MYL5: variants seen among roughly 807,000 people sequenced by gnomAD.
MYL5 encodes myosin light chain 5.
MYL5 carries 28 observed loss-of-function variants against 20.8 expected under a neutral mutation model. The observed-to-expected ratio is 1.35, with a 90% confidence interval of 1.00 to 1.84. MYL5 has a LOEUF of 1.84. Ranked by LOEUF, MYL5 falls within the 40% of genes most tolerant of loss-of-function variation. The pLI is 0.00. For synonymous variants in MYL5, 118 were observed against 87.4 expected, an observed-to-expected ratio of 1.35 and a Z score of -1.95; for missense variants, 274 against 227.3, an observed-to-expected ratio of 1.21 and a Z score of -1.32.
chr4:681,957 G>A (rs746147393), exon 7 of MYL5: 2 of 1,369,248 alleles, frequency 1.5e-6, no homozygotes, highest in Admixed American at 2.9e-5. Context: ...AAGGCGCTCA[G>A]CTACGTGATC....
In MYL5 at chr4:681,631, TCCAGCGCCGCCCCGCCCCCTCCAGCGCCG is replaced by T. The variant is rs1739589986; in HGVS notation, c.421-259_421-231del. Among the ~76,000 whole-genome samples the T allele has an allele frequency of 1.4e-3, 5 of 3,538 alleles. No individual in the cohort carries two copies. The Admixed American group carries it at 0.016, about 11-fold the overall frequency. The allele number at this position is 3,538 out of a possible 152,430, so 2.3% of individuals were successfully genotyped here. A position where few individuals can be genotyped will look rare whatever the true frequency, so the allele number is the denominator to read the frequency against. Reference sequence around the variant, plus strand: ...CCCCCTCCAGCGCCGCCCCGCCCCCTCCAGCGCCGCCCCGCCCCCTCCAGCGCCGCCCCGCCCCCTCCAGCGCCGCCCCG... The same window carrying T: ...CCCCCTCCAGCGCCGCCCCGCCCCCTCCCCGCCCCCTCCAGCGCCGCCCCG... On this transcript the variant is annotated intron_variant, in intron 6 of 6. Coordinates refer to ENST00000400159, the Ensembl canonical transcript of MYL5.
At chr4:674,933 T>C (rs2109308032), upstream of MYL5, 1 of 152,798 alleles carries the variant, frequency 6.5e-6, no homozygotes, top group South Asian at 2.0e-4. Context: ...GCGCCCTTCA[T>C]CCCGGAGCTG....
chr4:676,094 C>T (rs1249373564), upstream of MYL5: 1 of 152,228 alleles, frequency 6.6e-6, no homozygotes, highest in Non-Finnish European at 1.5e-5. Context: ...CAAACTCCAG[C>T]CCTCCCCGTG....
chr4:681,933 G>A (rs1205104128), exon 7 of MYL5: 6 of 1,327,842 alleles, frequency 4.5e-6, no homozygotes, highest in African/African-American at 3.0e-5. Flanking sequence ...GATGTGGCGG[G>A]CAACCTGGAC....
chr4:678,596 G>C, intron 1 of MYL5, 62 bp from the exon 4 acceptor site: 1 of 1,550,986 alleles, frequency 6.4e-7, no homozygotes, highest in Non-Finnish European at 8.7e-7. Context: ...TCAAAACTCT[G>C]GGTGCCCTGG....
At chr4:678,130 C>G in intron 1 of MYL5, 101 bp downstream of exon 3, 1 of 1,563,818 alleles carries the variant, frequency 6.4e-7, no homozygotes, top group African/African-American at 1.4e-5. Flanking sequence ...TCCGTGCTTG[C>G]GTGTGAATGC....
chr4:677,825 G>A (rs1738997757), upstream of MYL5: 1 of 790,624 alleles, frequency 1.3e-6, no homozygotes, highest in Non-Finnish European at 2.1e-6. Context: ...GGCCTTGCGG[G>A]GTGAGGCAGG....
Position 677,976 on chromosome 4 carries a change from G to A in MYL5, c.-51G>A. On this transcript the variant is annotated 5_prime_UTR_variant, in exon 1 of 7. It removes an upstream start codon present in the reference 5' UTR. Coordinates refer to ENST00000400159, the Ensembl canonical transcript of MYL5. ...GGGGGACCAAGCAGGAGCTTAAGAT[G>A]GGCAAGACCTGGGGCCCTGGGCAGA... The A allele has an allele frequency of 6.2e-7, 1 of 1,613,258 alleles. No homozygotes were observed. The highest frequency in any genetic ancestry group is 8.5e-7 in the Non-Finnish European group (1 of 1,179,914).
intron 1 of MYL5, 109 bp from the exon 4 acceptor site, chr4:678,549 A>C: frequency 4.1e-6 from 6 of 1,477,780 alleles, no homozygotes; most frequent in Non-Finnish European, 5.4e-6. Context: ...CTCCAGCCCG[A>C]AGGGCTGAGG....
exon 6 of MYL5, chr4:681,137 A>G (rs1739445067): frequency 6.2e-7 from 1 of 1,605,860 alleles, no homozygotes; most frequent in South Asian, 1.1e-5. Context: ...TGACGGCGGA[A>G]GAGGTCTGGC....
chr4:680,570 G>GA lies in MYL5; in HGVS notation c.358dup (p.Ile120AsnfsTer15). On this transcript the variant is annotated frameshift_variant, in exon 5 of 7. Transcript: ENST00000400159. LOFTEE classifies it high-confidence loss of function. ...AGATGCTGGACCCGGACGGGAAAGG[G>GA]AAAATCAACAAGGAGTAGTGAGTGC... The GA allele has an allele frequency of 6.2e-7, 1 of 1,613,410 alleles. No homozygotes were observed. The highest frequency in any genetic ancestry group is 1.1e-5 in the South Asian group (1 of 91,090).
At chr4:674,730 G>T (rs1577322959), upstream of MYL5, 1 of 183,390 alleles carries the variant, frequency 5.5e-6, no homozygotes, top group Non-Finnish European at 1.1e-5. Context: ...GCGCCCACCC[G>T]AGGGTGGCCT....
upstream of MYL5, chr4:676,804 C>T: frequency 1.1e-6 from 1 of 874,412 alleles, no homozygotes; most frequent in African/African-American, 1.8e-5. Context: ...CCCAGGGTTC[C>T]ACATCTGGTC....
chr4:676,028 C>T (rs993668125), upstream of MYL5: 1 of 152,232 alleles, frequency 6.6e-6, no homozygotes, highest in African/African-American at 2.4e-5. Flanking sequence ...GCTGGCAGTC[C>T]CTGAAGACTC....
exon 5 of MYL5, chr4:680,561 C>T (rs753100760): frequency 5.0e-6 from 8 of 1,613,066 alleles, no homozygotes; most frequent in South Asian, 4.4e-5. Flanking sequence ...TGGACCCGGA[C>T]GGGAAAGGGA....
At chr4:681,260 C>T (rs1337988588) in intron 6 of MYL5, 120 bp downstream of exon 8, 7 of 1,241,042 alleles carry the variant, frequency 5.6e-6, no homozygotes, top group Non-Finnish European at 6.8e-6. Context: ...CAGGACAGAA[C>T]AGGCCCCCGG....
At chr4:678,098 C>T (rs58227539) in intron 1 of MYL5, 69 bp downstream of exon 3, 204,518 of 1,599,704 alleles carry the variant, frequency 0.13, 13,600 homozygotes, top group African/African-American at 0.18. Context: ...TGTGTACATG[C>T]GCACAGACGA....
At chr4:681,665 G>T (rs1224097836) in intron 6 of MYL5, among the ~76,000 whole-genome samples, 16 of 3,400 alleles carry the variant, frequency 4.7e-3, no homozygotes, top group African/African-American at 0.015. Flanking sequence ...GCGCCGCCCC[G>T]CCCCCTCCAG....
chr4:680,909 C>T, intron 5 of MYL5, 183 bp from the exon 8 acceptor site: 1 of 711,390 alleles, frequency 1.4e-6, no homozygotes, highest in Non-Finnish European at 2.4e-6. Flanking sequence ...TCAGCGGCTC[C>T]CCCAGAAGTG....
Sources: gnomAD v4.1 joint callset for allele counts (sites outside exome capture counted in the v4.1 genomes callset) on GRCh38, gnomAD v4.1.1 for gene constraint, MANE v1.5 for transcripts, NCBI Gene and HGNC (gene_info 2026-07-23, HGNC 2026-07-21) for gene names.